Variants in OR4K2 observed in about 807,000 individuals in gnomAD.
OR4K2 encodes olfactory receptor family 4 subfamily K member 2.
OR4K2 carries 8 observed loss-of-function variants against 10.5 expected under a neutral mutation model. The ratio of observed to expected loss-of-function variants is 0.76; its 90% CI spans 0.45 to 1.37. The LOEUF is 1.37. OR4K2 is among the 40% of genes most tolerant of loss of function. The pLI, the probability that OR4K2 is intolerant of heterozygous loss-of-function variation, is 0.00. For synonymous variants in OR4K2, 178 were observed against 133.6 expected, an observed-to-expected ratio of 1.33 and a Z score of -2.29; for missense variants, 547 against 379.5, an observed-to-expected ratio of 1.44 and a Z score of -3.67.
chr14:19,880,286 T>C lies in OR4K2; in HGVS notation c.*3074T>C, dbSNP rs1439103542. ...TTAATACTACTTCTACTACTAGTGG[T>C]GTAAACTTAAGCTAAGTACTTAATA... On this transcript the variant is annotated 3_prime_UTR_variant, in exon 2 of 2. Transcript: ENST00000641885. The C allele has an allele frequency of 1.3e-5, 2 of 152,234 alleles. No homozygotes were observed. Among genetic ancestry groups the C allele is most frequent in the Non-Finnish European group, 2.9e-5 (2 of 68,034 alleles). The allele number at this position is 152,234 out of a possible 1,614,324, so 9.4% of individuals were successfully genotyped here.
Position 19,875,994 on chromosome 14 carries a change from T to C in OR4K2, c.-164T>C, listed in dbSNP as rs1442257227. The C allele has an allele frequency of 4.9e-6, 2 of 409,770 alleles. No homozygotes were observed. The highest frequency in any genetic ancestry group is 3.5e-5 in the South Asian group (1 of 28,406). The allele number at this position is 409,770 out of a possible 1,614,324, so 25.4% of individuals were successfully genotyped here. On this transcript the variant is annotated 5_prime_UTR_variant, in exon 1 of 2. Coordinates refer to ENST00000641885, the MANE Select transcript of OR4K2 (RefSeq NM_001005501.2). Reference sequence around the variant, plus strand: ...TCTGTTCAGAATGATATTATCTTGGTTGGATTGCCATTAGTATCAGAAAAG... The same window carrying C: ...TCTGTTCAGAATGATATTATCTTGGCTGGATTGCCATTAGTATCAGAAAAG...
rs766211529 is a variant in OR4K2, at chr14:19,875,313, G to T, written c.-845G>T. On this transcript the variant is annotated 5_prime_UTR_variant, in exon 1 of 2. It removes an upstream start codon present in the reference 5' UTR. Coordinates refer to ENST00000641885, the MANE Select transcript of OR4K2 (RefSeq NM_001005501.2). ...TGATAAGTAAAAGTGTTTTACAAAT[G>T]AGTTCTACTGAAATATTTTAAATGT... 6.6e-6 allele frequency: 1 copy of T among 152,234 alleles called. No homozygotes were observed. Among genetic ancestry groups the T allele is most frequent in the Non-Finnish European group, 1.5e-5 (1 of 68,052 alleles). The allele number at this position is 152,234 out of a possible 1,614,324, so 9.4% of individuals were successfully genotyped here. A position where few individuals can be genotyped will look rare whatever the true frequency, so the allele number is the denominator to read the frequency against.
Position 19,879,478 on chromosome 14 carries a change from A to T in OR4K2, c.*2266A>T, listed in dbSNP as rs1880987852. On this transcript the variant is annotated 3_prime_UTR_variant, in exon 2 of 2. Transcript: ENST00000641885. ...TAATGTTCTGCAGAGAATACAAGATAAGCAGGCAAGTATAATTTTAAGTGA... is the reference window on the plus strand; with the variant it reads ...TAATGTTCTGCAGAGAATACAAGATTAGCAGGCAAGTATAATTTTAAGTGA... 6.6e-6 allele frequency: 1 copy of T among 152,274 alleles called. No homozygotes were observed. 9.4% of individuals were successfully genotyped at this position (152,274 alleles called of 1,614,324 possible).
chr14:19,877,550 A>C lies in OR4K2; in HGVS notation c.*338A>C, dbSNP rs1380004525. 8.7e-6 allele frequency: 2 copies of C among 229,930 alleles called. No individual in the cohort carries two copies. The highest frequency in any genetic ancestry group is 4.7e-5 in the African/African-American group (2 of 42,422). The allele number at this position is 229,930 out of a possible 1,614,324, so 14.2% of individuals were successfully genotyped here. The stretch of plus-strand genomic sequence containing the variant: ...GACAATTACCCACAGTGAGCAACTG[A>C]GTCACTTAGTGAGATGCTCCTAAAG... On this transcript the variant is annotated 3_prime_UTR_variant, in exon 2 of 2. Coordinates refer to ENST00000641885, the MANE Select transcript of OR4K2 (RefSeq NM_001005501.2).
chr14:19,880,492 C>T lies in OR4K2; in HGVS notation c.*3280C>T, dbSNP rs1459652459. On this transcript the variant is annotated 3_prime_UTR_variant, in exon 2 of 2. Transcript: ENST00000641885. ...CTTTGTTTATGGGACTTGATAGTCTCTTGAGCTAACACTTGACTTGTTTAA... is the reference window on the plus strand; with the variant it reads ...CTTTGTTTATGGGACTTGATAGTCTTTTGAGCTAACACTTGACTTGTTTAA... The T allele has an allele frequency of 2.0e-5, 3 of 152,182 alleles. No individual in the cohort carries two copies. Among genetic ancestry groups the T allele is most frequent in the African/African-American group, 7.2e-5 (3 of 41,446 alleles). 9.4% of individuals were successfully genotyped at this position (152,182 alleles called of 1,614,324 possible).
At position 19,882,004 on chromosome 14, in the gene OR4K2, A is replaced by G. The variant is rs1881048989; in HGVS notation, c.*4792A>G. The stretch of plus-strand genomic sequence containing the variant: ...AATACAATGTATTAAATGCTTGTGA[A>G]TAATTCAAAGACTTACAGGAACATG... On this transcript the variant is annotated 3_prime_UTR_variant, in exon 2 of 2. Transcript: ENST00000641885. 1 of 152,248 alleles carries G rather than the reference A, an allele frequency of 6.6e-6. No homozygotes were observed. Among genetic ancestry groups the G allele is most frequent in the Non-Finnish European group, 1.5e-5 (1 of 68,054 alleles). The allele number at this position is 152,248 out of a possible 1,614,324, so 9.4% of individuals were successfully genotyped here.
rs950915454 is a variant in OR4K2 at position 19,883,045 on chromosome 14, C to A, written c.*5833C>A. On this transcript the variant is annotated 3_prime_UTR_variant, in exon 2 of 2. Coordinates refer to ENST00000641885, the MANE Select transcript of OR4K2 (RefSeq NM_001005501.2). ...GGTTATAATTTATCTTTTGAAAAAC[C>A]TGAGTTATTTACCATCTAGGGTCTC... 2.6e-5 allele frequency: 4 copies of A among 152,302 alleles called. No homozygotes were observed. The highest frequency in any genetic ancestry group is 9.7e-5 in the African/African-American group (4 of 41,422). 9.4% of individuals were successfully genotyped at this position (152,302 alleles called of 1,614,324 possible).
In OR4K2 at chr14:19,883,303, C is replaced by T. The variant is rs1278757042; in HGVS notation, c.*6091C>T. On this transcript the variant is annotated 3_prime_UTR_variant, in exon 2 of 2. Transcript: ENST00000641885. ...TTGCTGTAGTAGTTGATATCTCTAA[C>T]CATTTTTGTTGGCTGAAGCTTATTC... 6.6e-6 allele frequency: 1 copy of T among 152,262 alleles called. No individual in the cohort carries two copies. The highest frequency in any genetic ancestry group is 1.9e-4 in the East Asian group (1 of 5,200). 9.4% of individuals were successfully genotyped at this position (152,262 alleles called of 1,614,324 possible). A position where few individuals can be genotyped will look rare whatever the true frequency, so the allele number is the denominator to read the frequency against.
Position 19,877,297 on chromosome 14 carries a change from T to C in OR4K2, c.*85T>C. The C allele has an allele frequency of 1.1e-6, 1 of 934,246 alleles. No individual in the cohort carries two copies. The highest frequency in any genetic ancestry group is 2.6e-4 in the Middle Eastern group (1 of 3,834). 57.9% of individuals were successfully genotyped at this position (934,246 alleles called of 1,614,324 possible). A position where few individuals can be genotyped will look rare whatever the true frequency, so the allele number is the denominator to read the frequency against. ...CTTACCAAATTGTAATTGCCAAGAA[T>C]TTGTGAGGGCTCAAGTTCAGTGCAT... On this transcript the variant is annotated 3_prime_UTR_variant, in exon 2 of 2. Coordinates refer to ENST00000641885, the MANE Select transcript of OR4K2 (RefSeq NM_001005501.2).
At position 19,876,274 on chromosome 14, in the gene OR4K2, G is replaced by C; in HGVS notation, c.7G>C (p.Val3Leu). Residue 3 changes from valine (V) to leucine (L), a missense_variant, in exon 2 of 2, where the codon GTG becomes CTG. Physicochemically the swap from Val to Leu is conservative, Grantham distance 32. Transcript: ENST00000641885. MD[V>L]GNKSTMSEFV... ...CTGCCTATGAATCAAGACAATGGAT[G>C]TGGGCAATAAGTCTACCATGTCTGA... 7.0e-7 allele frequency: 1 copy of C among 1,438,466 alleles called. No individual in the cohort carries two copies. The highest frequency in any genetic ancestry group is 9.6e-7 in the Non-Finnish European group (1 of 1,042,240). The allele number at this position is 1,438,466 out of a possible 1,614,324, so 89.1% of individuals were successfully genotyped here. A position where few individuals can be genotyped will look rare whatever the true frequency, so the allele number is the denominator to read the frequency against.
Position 19,876,140 on chromosome 14 carries a change from T to G in OR4K2, c.-24+6T>G, listed in dbSNP as rs1880887118. ...GGATGGAAAGAATAGTCAAGGTAAG[T>G]TTTATGAGAAGATAAAATTTCTGAA... On this transcript the variant is annotated splice_donor_region_variant and intron_variant, in intron 1 of 1. Coordinates refer to ENST00000641885, the MANE Select transcript of OR4K2 (RefSeq NM_001005501.2). The G allele has an allele frequency of 5.0e-6, 4 of 796,664 alleles. No individual in the cohort carries two copies. The highest frequency in any genetic ancestry group is 3.9e-6 in the Non-Finnish European group (2 of 507,284). The allele number at this position is 796,664 out of a possible 1,614,324, so 49.3% of individuals were successfully genotyped here.
chr14:19,877,182 T>A lies in OR4K2; in HGVS notation c.915T>A (p.Phe305Leu). The change falls in exon 2 of 2, where the codon TTT becomes TTA. Residue 305 changes from phenylalanine (F) to leucine (L), a missense_variant. By Grantham distance (22) the Phe-to-Leu change is conservative. Coordinates refer to ENST00000641885, the MANE Select transcript of OR4K2 (RefSeq NM_001005501.2). ...KIAMRKLKNRFLNFNKAMPS is the reference protein window; with the variant it reads ...KIAMRKLKNRLLNFNKAMPS ...CCATGAGGAAACTGAAAAATAGGTT[T>A]CTAAATTTTAATAAGGCAATGCCTT... 1 of 1,595,346 alleles carries A rather than the reference T, an allele frequency of 6.3e-7. No individual in the cohort carries two copies. The highest frequency in any genetic ancestry group is 8.5e-7 in the Non-Finnish European group (1 of 1,176,796).
chr14:19,877,035 C>A lies in OR4K2; in HGVS notation c.768C>A (p.Phe256Leu). 6.2e-7 allele frequency: 1 copy of A among 1,613,494 alleles called. No homozygotes were observed. Among genetic ancestry groups the A allele is most frequent in the Non-Finnish European group, 8.5e-7 (1 of 1,179,982 alleles). Reference sequence around the variant, plus strand: ...TCTTGTTCTTTGGGCCATGCATCTTCATCTACATGTGGCCACTAAGCAGCT... The same window carrying A: ...TCTTGTTCTTTGGGCCATGCATCTTAATCTACATGTGGCCACTAAGCAGCT... ...VVFLFFGPCI[F>L]IYMWPLSSFL... The change falls in exon 2 of 2, where the codon TTC becomes TTA. Residue 256 changes from phenylalanine to leucine, a missense_variant. Coordinates refer to ENST00000641885, the MANE Select transcript of OR4K2 (RefSeq NM_001005501.2).
rs1159776951 is a variant in OR4K2 at position 19,881,937 on chromosome 14, C to A, written c.*4725C>A. 6.6e-6 allele frequency: 1 copy of A among 151,992 alleles called. No homozygotes were observed. The highest frequency in any genetic ancestry group is 1.5e-5 in the Non-Finnish European group (1 of 68,026). The allele number at this position is 151,992 out of a possible 1,614,324, so 9.4% of individuals were successfully genotyped here. ...GAGTGTACTTATATTGGTTGTCCTA[C>A]AGTTAAGAAAACGGAAACCATTGGG... On this transcript the variant is annotated 3_prime_UTR_variant, in exon 2 of 2. Transcript: ENST00000641885.
Position 19,876,599 on chromosome 14 carries a change from A to T in OR4K2, c.332A>T (p.Glu111Val). 1.2e-6 allele frequency: 2 copies of T among 1,614,180 alleles called. No homozygotes were observed. Among genetic ancestry groups the T allele is most frequent in the Non-Finnish European group, 1.7e-6 (2 of 1,180,014 alleles). The change falls in exon 2 of 2, where the codon GAG becomes GTG. Residue 111 changes from glutamate (E) to valine (V), a missense_variant. Transcript: ENST00000641885. ...TTTCTCCACCTTTTCACTGGAACTG[A>T]GATCATCTTACTCATGGCCATGTCC... is the stretch of plus-strand genomic sequence containing the variant. ...IFFLHLFTGT[E>V]IILLMAMSFD...
In OR4K2 at chr14:19,882,115, G is replaced by C. The variant is rs1456628587; in HGVS notation, c.*4903G>C. ...TAAGGGCAAAAGGCAAAAAGCCTTG[G>C]TGTCATTGCCACTCCTTCATCACCC... On this transcript the variant is annotated 3_prime_UTR_variant, in exon 2 of 2. Transcript: ENST00000641885. 1 of 152,336 alleles carries C rather than the reference G, an allele frequency of 6.6e-6. No individual in the cohort carries two copies. Among genetic ancestry groups the C allele is most frequent in the Admixed American group, 6.5e-5 (1 of 15,284 alleles). 9.4% of individuals were successfully genotyped at this position (152,336 alleles called of 1,614,324 possible).
In OR4K2 at chr14:19,881,692, A is replaced by T. The variant is rs1225335187; in HGVS notation, c.*4480A>T. The T allele has an allele frequency of 6.6e-6, 1 of 152,102 alleles. No homozygotes were observed. Among genetic ancestry groups the T allele is most frequent in the Non-Finnish European group, 1.5e-5 (1 of 68,014 alleles). The allele number at this position is 152,102 out of a possible 1,614,324, so 9.4% of individuals were successfully genotyped here. A position where few individuals can be genotyped will look rare whatever the true frequency, so the allele number is the denominator to read the frequency against. On this transcript the variant is annotated 3_prime_UTR_variant, in exon 2 of 2. Transcript: ENST00000641885. ...AGCCTTTTTATGACTACTAAATGCA[A>T]GACCACTGTTAATTCGCCTTTTTTC...
At position 19,877,203 on chromosome 14, in the gene OR4K2, G is replaced by A. The variant is rs1261196058; in HGVS notation, c.936G>A (p.Met312Ile). ...KNRFLNFNKA[M>I]PS is the part of the protein sequence containing the mutation. ...GGTTTCTAAATTTTAATAAGGCAATGCCTTCATAGTTTTTGTGACACAGAA... is the reference window on the plus strand; with the variant it reads ...GGTTTCTAAATTTTAATAAGGCAATACCTTCATAGTTTTTGTGACACAGAA... Residue 312 changes from methionine to isoleucine, a missense_variant, in exon 2 of 2, where the codon ATG becomes ATA. Coordinates refer to ENST00000641885, the MANE Select transcript of OR4K2 (RefSeq NM_001005501.2). 2 of 1,573,276 alleles carry A rather than the reference G, an allele frequency of 1.3e-6. No individual in the cohort carries two copies. Among genetic ancestry groups the A allele is most frequent in the Non-Finnish European group, 1.7e-6 (2 of 1,160,402 alleles).
In OR4K2 at chr14:19,876,439, C is replaced by T. The variant is rs780176630; in HGVS notation, c.172C>T (p.Pro58Ser). 1.9e-6 allele frequency: 3 copies of T among 1,614,136 alleles called. No homozygotes were observed. The highest frequency in any genetic ancestry group is 1.3e-5 in the African/African-American group (1 of 75,046). Residue 58 changes from proline (P) to serine (S), a missense_variant, in exon 2 of 2, where the codon CCT becomes TCT. Physicochemically the swap from Pro to Ser is moderately conservative, Grantham distance 74 (BLOSUM62 -1). Coordinates refer to ENST00000641885, the MANE Select transcript of OR4K2 (RefSeq NM_001005501.2). ...TVIVDPHLHS[P>S]MYFLLTNLSI... ...TATAGTGGACCCTCACCTACACTCT[C>T]CTATGTATTTCCTGCTTACCAATCT...
Sources: gnomAD v4.1 joint callset for allele counts on GRCh38, gnomAD v4.1.1 for gene constraint, MANE v1.5 for transcripts, NCBI Gene and HGNC (gene_info 2026-07-23, HGNC 2026-07-21) for gene names.